Variants in GRID2 observed in about 807,000 individuals in gnomAD.
The protein encoded by GRID2 is glutamate receptor ionotropic, delta-2.
In GRID2, 33 loss-of-function variants were observed where a neutral mutation model predicts 114.8. That is an observed-to-expected ratio of 0.29 (90% CI 0.22 to 0.38). The LOEUF is 0.38. GRID2 is among the 10% of genes least tolerant of loss of function. The pLI, the probability that GRID2 is intolerant of heterozygous loss-of-function variation, is 1.00. For missense variants in GRID2, 1,184 were observed against 1,257.7 expected (o/e 0.94, Z 0.89); for synonymous variants, 505 against 449.9 (o/e 1.12, Z -1.55).
At chr4:92,309,416 GC>G (rs1725584000) in intron 1 of GRID2, among the ~76,000 whole-genome samples, 1 of 151,748 alleles carries the variant, frequency 6.6e-6, no homozygotes, top group African/African-American at 2.4e-5. Context: ...TTGGTGAGTA[GC>G]AATACTTAGA....
intron 2 of GRID2, among the ~76,000 whole-genome samples, chr4:92,676,212 G>A (rs1255863474): frequency 1.9e-5 from 2 of 107,100 alleles, no homozygotes; most frequent in African/African-American, 7.6e-5. Flanking sequence ...ACAGAGTCTC[G>A]CTCTGTCGCC....
rs1011991771 is a variant in GRID2 at position 92,620,506 on chromosome 4, G to A, written c.244+30220G>A. Among the ~76,000 whole-genome samples, 4 of 151,790 alleles carry A rather than the reference G, an allele frequency of 2.6e-5. No individual in the cohort carries two copies. In the South Asian group the frequency reaches 8.3e-4, roughly 31 times the overall value. On this transcript the variant is annotated intron_variant, in intron 2 of 15. Coordinates refer to ENST00000282020, the MANE Select transcript of GRID2 (RefSeq NM_001510.4). ...GACTCAAAGAACGCTTCTAGCATTTGGCATTTGGTAACTGGACAAGTATAC... is the reference window on the plus strand; with the variant it reads ...GACTCAAAGAACGCTTCTAGCATTTAGCATTTGGTAACTGGACAAGTATAC...
At chr4:93,144,508 G>A (rs1736030257) in intron 4 of GRID2, among the ~76,000 whole-genome samples, 1 of 152,192 alleles carries the variant, frequency 6.6e-6, no homozygotes, top group Non-Finnish European at 1.5e-5. Context: ...AAGCAGGTGG[G>A]AGAGATGCAC....
intron 9 of GRID2, among the ~76,000 whole-genome samples, chr4:93,422,439 T>C (rs893769974): frequency 6.6e-6 from 1 of 152,208 alleles, no homozygotes; most frequent in African/African-American, 2.4e-5. Context: ...ATAGATACGA[T>C]AAATTTATAG....
intron 2 of GRID2, among the ~76,000 whole-genome samples, chr4:93,021,056 A>C (rs1047988600): frequency 6.6e-6 from 1 of 151,730 alleles, no homozygotes; most frequent in African/African-American, 2.4e-5. Context: ...GAGAAAGAAA[A>C]ATATTTTAAA....
At chr4:93,394,765 G>A (rs929068021) in intron 8 of GRID2, among the ~76,000 whole-genome samples, 6 of 152,088 alleles carry the variant, frequency 3.9e-5, no homozygotes, top group African/African-American at 1.4e-4. Flanking sequence ...TTCTCAAGAT[G>A]TGCATTACAA....
At chr4:92,698,991 T>C (rs1734546716) in intron 2 of GRID2, among the ~76,000 whole-genome samples, 1 of 152,132 alleles carries the variant, frequency 6.6e-6, no homozygotes, top group South Asian at 2.1e-4. Flanking sequence ...TCTCAACCAG[T>C]TGTTTTCTTA....
intron 2 of GRID2, among the ~76,000 whole-genome samples, chr4:93,065,198 T>C (rs1490953595): frequency 6.6e-6 from 1 of 151,870 alleles, no homozygotes; most frequent in Non-Finnish European, 1.5e-5. Context: ...CTGTAAATCA[T>C]GAGATGATCA....
chr4:92,546,945 G>T (rs890739423), intron 1 of GRID2, among the ~76,000 whole-genome samples: 1 of 152,112 alleles, frequency 6.6e-6, no homozygotes. Flanking sequence ...CCTGTTTAAG[G>T]TCAGGATTGT....
intron 3 of GRID2, among the ~76,000 whole-genome samples, chr4:93,094,469 A>G (rs1274546051): frequency 6.6e-6 from 1 of 152,064 alleles, no homozygotes; most frequent in East Asian, 1.9e-4. Flanking sequence ...CACTCAGTCC[A>G]GTATTCTCTC....
At chr4:93,752,336 T>G (rs2110286502) in intron 14 of GRID2, among the ~76,000 whole-genome samples, 1 of 151,796 alleles carries the variant, frequency 6.6e-6, no homozygotes, top group Admixed American at 6.6e-5. Flanking sequence ...ACCCACGTTT[T>G]CCTAACTAAT....
chr4:92,969,628 A>C (rs1753372354), intron 2 of GRID2, among the ~76,000 whole-genome samples: 1 of 151,628 alleles, frequency 6.6e-6, no homozygotes, highest in Admixed American at 6.6e-5. Flanking sequence ...TATGAGACTC[A>C]GATTAAAGAA....
intron 10 of GRID2, among the ~76,000 whole-genome samples, chr4:93,438,241 A>G (rs1721292485): frequency 6.6e-6 from 1 of 151,998 alleles, no homozygotes; most frequent in Admixed American, 6.6e-5. Flanking sequence ...AAATAATTAA[A>G]ACACAGTGTG....
At chr4:93,219,980 A>G (rs750258219) in intron 6 of GRID2, among the ~76,000 whole-genome samples, 14 of 152,258 alleles carry the variant, frequency 9.2e-5, no homozygotes, top group Middle Eastern at 3.4e-3. Context: ...AGAGTAGCCA[A>G]TCAGCCAGCA....
chr4:92,824,327 GTC>G (rs1333548486), intron 2 of GRID2, among the ~76,000 whole-genome samples: 5 of 151,966 alleles, frequency 3.3e-5, no homozygotes, highest in African/African-American at 9.7e-5. Flanking sequence ...AAATGTTTAA[GTC>G]TCTGCTGTGT....
chr4:93,678,467 CAT>C (rs376343405), intron 14 of GRID2, among the ~76,000 whole-genome samples: 10,160 of 151,922 alleles, frequency 0.067, 396 homozygotes, highest in South Asian at 0.11. Flanking sequence ...CTCCAAGACA[CAT>C]AATTATCAGA....
chr4:93,340,685 GGA>G (rs1759559458), intron 8 of GRID2, among the ~76,000 whole-genome samples: 1 of 152,134 alleles, frequency 6.6e-6, no homozygotes. Flanking sequence ...ACTGACTGGT[GGA>G]GAGGTAAGAG....
intron 10 of GRID2, 34 bp from the exon 11 acceptor site, chr4:93,455,628 T>C (rs1431044341): frequency 3.5e-6 from 5 of 1,444,640 alleles, no homozygotes; most frequent in Non-Finnish European, 4.9e-6. Flanking sequence ...TTTTTCACAC[T>C]GTTAATGTAT....
intron 14 of GRID2, among the ~76,000 whole-genome samples, chr4:93,698,502 TACTA>T (rs1727238373): frequency 6.6e-6 from 1 of 152,066 alleles, no homozygotes; most frequent in African/African-American, 2.4e-5. Flanking sequence ...GAGTAGAATG[TACTA>T]ACTGAGGTCA....
Sources: gnomAD v4.1 joint callset for allele counts (sites outside exome capture counted in the v4.1 genomes callset) on GRCh38, gnomAD v4.1.1 for gene constraint, MANE v1.5 for transcripts, NCBI Gene and HGNC (gene_info 2026-07-23, HGNC 2026-07-21) for gene names.